Variants in ERC2 observed in about 807,000 individuals in gnomAD.
The protein encoded by ERC2 is ELKS/RAB6-interacting/CAST family member 2, also known as ERC protein 2.
In ERC2, 42 loss-of-function variants were observed where a neutral mutation model predicts 114.8. The observed-to-expected ratio is 0.37, with a 90% CI of 0.29 to 0.47. The LOEUF (loss-of-function observed/expected upper bound fraction) is 0.47, where lower values mean the gene tolerates loss of function less well. Ranked by LOEUF, ERC2 falls within the 20% of genes least tolerant of loss-of-function variation. The pLI, the probability that ERC2 is intolerant of heterozygous loss-of-function variation, is 0.99. For missense variants in ERC2, 939 were observed against 1,150.7 expected, an observed-to-expected ratio of 0.82 and a Z score of 2.66; for synonymous variants, 454 against 425.5, an observed-to-expected ratio of 1.07 and a Z score of -0.82.
chr3:56,283,937 G>C (rs1265411559), intron 3 of ERC2, among the ~76,000 whole-genome samples: 1 of 152,214 alleles, frequency 6.6e-6, no homozygotes, highest in African/African-American at 2.4e-5. Flanking sequence ...ACTGGCCCCA[G>C]TGTGTGGCAC....
At chr3:56,066,078 T>C (rs1395634648) in intron 7 of ERC2, among the ~76,000 whole-genome samples, 2 of 152,170 alleles carry the variant, frequency 1.3e-5, no homozygotes, top group East Asian at 3.9e-4. Context: ...ATGGGATTAC[T>C]GGGTCAAACA....
chr3:56,402,952 C>T (rs2060575844), intron 2 of ERC2, among the ~76,000 whole-genome samples: 1 of 152,216 alleles, frequency 6.6e-6, no homozygotes, highest in South Asian at 2.1e-4. Context: ...TATTTAGCAG[C>T]ATCCCTGGCC....
rs748883932 is a variant in ERC2, at chr3:56,296,271, A to G, written c.822T>C (p.Ala274=). ...RRLQAEHDRQ[A]KELFLLRKTL... ...TCTTCCTCAAAAGGAACAGCTCCTTAGCCTGCCTGTCATGCTCGGCTTGGA... is the reference window on the plus strand; with the variant it reads ...TCTTCCTCAAAAGGAACAGCTCCTTGGCCTGCCTGTCATGCTCGGCTTGGA... Residue 274 remains alanine (A), a synonymous_variant, in exon 3 of 18, where the codon GCT becomes GCC. Coordinates refer to ENST00000288221, the MANE Select transcript of ERC2 (RefSeq NM_015576.3). 5.0e-5 allele frequency: 81 copies of G among 1,613,888 alleles called. No homozygotes were observed. The East Asian group carries it at 1.8e-3, about 36-fold the overall frequency.
At chr3:55,612,402 A>G (rs955762780) in intron 17 of ERC2, among the ~76,000 whole-genome samples, 1 of 151,964 alleles carries the variant, frequency 6.6e-6, no homozygotes, top group African/African-American at 2.4e-5. Context: ...CAAAACAGCA[A>G]CTCCTTGCTT....
chr3:55,711,861 A>G (rs1294407024), intron 15 of ERC2, among the ~76,000 whole-genome samples: 1 of 152,252 alleles, frequency 6.6e-6, no homozygotes, highest in Admixed American at 6.5e-5. Context: ...GGAAAAAACA[A>G]GTTCAAGAGA....
chr3:56,143,569 A>G (rs2080983879), intron 5 of ERC2, among the ~76,000 whole-genome samples: 1 of 152,090 alleles, frequency 6.6e-6, no homozygotes, highest in Non-Finnish European at 1.5e-5. Context: ...TTTGTTCCTC[A>G]TTTGCCTTCC....
intron 6 of ERC2, among the ~76,000 whole-genome samples, chr3:56,092,089 T>C (rs1316432845): frequency 6.6e-6 from 1 of 152,218 alleles, no homozygotes; most frequent in Non-Finnish European, 1.5e-5. Context: ...TCTCATACAA[T>C]TTGAATTCAA....
intron 16 of ERC2, among the ~76,000 whole-genome samples, chr3:55,693,601 T>G (rs1431133849): frequency 6.6e-6 from 1 of 151,336 alleles, no homozygotes; most frequent in Non-Finnish European, 1.5e-5. Context: ...AGGGAACAGG[T>G]AAAATGGGGG....
chr3:56,286,455 C>T (rs1330646032), intron 3 of ERC2, among the ~76,000 whole-genome samples: 2 of 147,992 alleles, frequency 1.4e-5, no homozygotes, highest in East Asian at 2.0e-4. Flanking sequence ...AAAAAAATAC[C>T]GTTTCCTGAT....
chr3:56,402,397 G>C (rs2060553187), intron 2 of ERC2, among the ~76,000 whole-genome samples: 2 of 152,102 alleles, frequency 1.3e-5, no homozygotes, highest in Admixed American at 1.3e-4. Context: ...GGCACAGATG[G>C]GCATGTCTTA....
chr3:55,803,359 A>T (rs1213228873), intron 14 of ERC2, among the ~76,000 whole-genome samples: 1 of 152,200 alleles, frequency 6.6e-6, no homozygotes, highest in East Asian at 1.9e-4. Flanking sequence ...ATGAAAATTT[A>T]TGTACCATAT....
rs1341968954 is a variant in ERC2, at chr3:55,922,125, C to G, written c.2403+28300G>C. On this transcript the variant is annotated intron_variant, in intron 13 of 17. Coordinates refer to ENST00000288221, the MANE Select transcript of ERC2 (RefSeq NM_015576.3). Reference sequence around the variant, plus strand: ...ACTTTCTAGCAACTGTCTCAGAATACTTCTGACCCACATAGTTTCAAATCA... The same window carrying G: ...ACTTTCTAGCAACTGTCTCAGAATAGTTCTGACCCACATAGTTTCAAATCA... Among the ~76,000 whole-genome samples the G allele has an allele frequency of 2.6e-5, 4 of 152,136 alleles. No homozygotes were observed. In the East Asian group the frequency reaches 7.7e-4, roughly 29 times the overall value.
chr3:55,926,423 A>AAAC (rs937792154), intron 13 of ERC2, among the ~76,000 whole-genome samples: 4 of 151,592 alleles, frequency 2.6e-5, no homozygotes, highest in African/African-American at 7.3e-5. Flanking sequence ...TTTAAAAAAA[A>AAAC]AAAAACTAAA....
At chr3:56,377,593 A>C (rs1218723048) in intron 2 of ERC2, among the ~76,000 whole-genome samples, 1 of 152,240 alleles carries the variant, frequency 6.6e-6, no homozygotes, top group Non-Finnish European at 1.5e-5. Flanking sequence ...ATTATGCATA[A>C]AGATGTAAAA....
At position 55,895,093 on chromosome 3, in the gene ERC2, T is replaced by C. The variant is rs139997206; in HGVS notation, c.2404-6544A>G. ...TTGCAGCGATCAAAAGCTGGAGCTCTAGAAGCAGTCAGATATGAGTCAAGT... is the reference window on the plus strand; with the variant it reads ...TTGCAGCGATCAAAAGCTGGAGCTCCAGAAGCAGTCAGATATGAGTCAAGT... On this transcript the variant is annotated intron_variant, in intron 13 of 17. Coordinates refer to ENST00000288221, the MANE Select transcript of ERC2 (RefSeq NM_015576.3). Among the ~76,000 whole-genome samples the C allele has an allele frequency of 1.8e-4, 28 of 152,308 alleles. No individual in the cohort carries two copies. The East Asian group carries it at 5.2e-3, about 28-fold the overall frequency.
chr3:56,031,802 A>C (rs1171551604), intron 7 of ERC2, among the ~76,000 whole-genome samples: 1 of 152,272 alleles, frequency 6.6e-6, no homozygotes, highest in Non-Finnish European at 1.5e-5. Flanking sequence ...AAGAAAAAAC[A>C]ATAAAACATT....
intron 17 of ERC2, among the ~76,000 whole-genome samples, chr3:55,577,755 A>T (rs2057058318): frequency 6.6e-6 from 1 of 152,152 alleles, no homozygotes; most frequent in African/African-American, 2.4e-5. Flanking sequence ...ATGCTCCCTA[A>T]TAACAAAGAC....
At chr3:55,778,262 C>T (rs1416958719) in intron 14 of ERC2, among the ~76,000 whole-genome samples, 1 of 152,128 alleles carries the variant, frequency 6.6e-6, no homozygotes, top group Non-Finnish European at 1.5e-5. Flanking sequence ...AAATCAGGTT[C>T]TCTGGAAACA....
At chr3:56,289,323 C>A (rs74790630) in intron 3 of ERC2, among the ~76,000 whole-genome samples, 1,845 of 151,846 alleles carry the variant, frequency 0.012, 33 homozygotes, top group African/African-American at 0.041. Context: ...GGCCACCACC[C>A]AGATTCACAC....
Sources: allele counts gnomAD v4.1 joint callset (sites outside exome capture counted in the v4.1 genomes callset), GRCh38; gene constraint gnomAD v4.1.1; transcripts MANE v1.5; gene names NCBI Gene and HGNC (gene_info 2026-07-23, HGNC 2026-07-21).